The following EPB41L4B variants were observed in gnomAD, a reference collection of about 807,000 sequenced individuals.
The protein encoded by EPB41L4B is band 4.1-like protein 4B.
In EPB41L4B, 30 loss-of-function variants were observed where a neutral mutation model predicts 112.5. The observed-to-expected ratio is 0.27, with a 90% CI of 0.20 to 0.36. The LOEUF (loss-of-function observed/expected upper bound fraction) is 0.36. Among genes scored for constraint, EPB41L4B ranks in the 10% least tolerant of loss-of-function variants. The probability of loss-of-function intolerance (pLI) is 1.00; values close to 1 mark genes in which losing one functional copy is unlikely to be tolerated. For synonymous variants in EPB41L4B, 408 were observed against 439.7 expected, an observed-to-expected ratio of 0.93 and a Z score of 0.90; for missense variants, 1,024 against 1,133.3, an observed-to-expected ratio of 0.90 and a Z score of 1.38.
chr9:109,312,514 C>T (rs1272453424), intron 1 of EPB41L4B, among the ~76,000 whole-genome samples: 1 of 152,092 alleles, frequency 6.6e-6, no homozygotes, highest in Non-Finnish European at 1.5e-5. Context: ...AGCCCTCCCA[C>T]CCCCCTCGCC....
At position 109,253,490 on chromosome 9, in the gene EPB41L4B, C is replaced by T; in HGVS notation, c.1230G>A (p.Glu410=). 1 of 1,614,102 alleles carries T rather than the reference C, an allele frequency of 6.2e-7. No individual in the cohort carries two copies. The highest frequency in any genetic ancestry group is 8.5e-7 in the Non-Finnish European group (1 of 1,179,944). ...ATGGATAACGTTTACTAGGCTTCCT[C>T]TCAAAGGTGCTGGTTCTTCGTAACC... ...GSRLRRTSTF[E]RKPSKRYPSR... Residue 410 remains glutamate (E), a synonymous_variant, in exon 12 of 26, where the codon GAG becomes GAA. Coordinates refer to ENST00000374566, the MANE Select transcript of EPB41L4B (RefSeq NM_019114.5).
chr9:109,285,214 T>A (rs1836226125), intron 1 of EPB41L4B, among the ~76,000 whole-genome samples: 1 of 152,240 alleles, frequency 6.6e-6, no homozygotes, highest in Admixed American at 6.5e-5. Context: ...AACTGAACCA[T>A]CACAGCTCTA....
In EPB41L4B at chr9:109,264,813, A is replaced by T. The variant is rs940836478; in HGVS notation, c.578+167T>A. Reference sequence around the variant, plus strand: ...AAGCCATATAGTAATCATTTAAAATAGGATGATAATGACAGTGATACAAGT... The same window carrying T: ...AAGCCATATAGTAATCATTTAAAATTGGATGATAATGACAGTGATACAAGT... On this transcript the variant is annotated intron_variant, in intron 5 of 25. Transcript: ENST00000374566. Among the ~76,000 whole-genome samples, 17 of 152,384 alleles carry T rather than the reference A, an allele frequency of 1.1e-4. 1 individual carries two copies. Among genetic ancestry groups the T allele is most frequent in the Non-Finnish European group, 2.2e-4 (15 of 68,036 alleles).
At position 109,255,549 on chromosome 9, in the gene EPB41L4B, T is replaced by A; in HGVS notation, c.1131A>T (p.Arg377Ser). ...LRTPGNSKSNRSDFIRLGSRF... is the reference protein window; with the variant it reads ...LRTPGNSKSNSSDFIRLGSRF... Reference sequence around the variant, plus strand: ...GAGAGCCCAGCCTGATAAAGTCGGATCTATTGGATTTGCTGTTTCCTGGCG... The same window carrying A: ...GAGAGCCCAGCCTGATAAAGTCGGAACTATTGGATTTGCTGTTTCCTGGCG... The change falls in exon 11 of 26, where the codon AGA (arginine) becomes AGT (serine). Residue 377 changes from arginine to serine, a missense_variant. Arg to Ser is a moderately radical substitution (Grantham distance 110). Coordinates refer to ENST00000374566, the MANE Select transcript of EPB41L4B (RefSeq NM_019114.5). The A allele has an allele frequency of 6.2e-7, 1 of 1,614,194 alleles. No homozygotes were observed. Among genetic ancestry groups the A allele is most frequent in the Non-Finnish European group, 8.5e-7 (1 of 1,180,032 alleles).
chr9:109,263,970 C>A (rs940489309), intron 5 of EPB41L4B, among the ~76,000 whole-genome samples: 3 of 152,106 alleles, frequency 2.0e-5, no homozygotes, highest in African/African-American at 7.2e-5. Context: ...TAATATTTTT[C>A]CAAACCGAAG....
chr9:109,253,088 T>C (rs961863760), intron 12 of EPB41L4B, among the ~76,000 whole-genome samples: 3 of 152,194 alleles, frequency 2.0e-5, no homozygotes, highest in Admixed American at 2.0e-4. Flanking sequence ...ACACTTAAAA[T>C]TGCAAGATGA....
intron 24 of EPB41L4B, among the ~76,000 whole-genome samples, chr9:109,177,182 A>C (rs1308379735): frequency 6.6e-6 from 1 of 152,226 alleles, no homozygotes; most frequent in Non-Finnish European, 1.5e-5. Context: ...ACTGAGAACC[A>C]GGGCTAGCTG....
intron 2 of EPB41L4B, among the ~76,000 whole-genome samples, chr9:109,268,896 CAAAA>C (rs55646924): frequency 2.8e-5 from 3 of 106,752 alleles, no homozygotes; most frequent in Admixed American, 1.1e-4. Flanking sequence ...AACTCCGTCT[CAAAA>C]AAAAAAAAAA....
chr9:109,275,771 A>G (rs1450842221), intron 2 of EPB41L4B, among the ~76,000 whole-genome samples: 1 of 152,186 alleles, frequency 6.6e-6, no homozygotes, highest in Non-Finnish European at 1.5e-5. Context: ...GGTGTACTAG[A>G]AAGAGCACAT....
intron 23 of EPB41L4B, among the ~76,000 whole-genome samples, chr9:109,183,687 C>T (rs1832147451): frequency 6.6e-6 from 1 of 152,190 alleles, no homozygotes; most frequent in Non-Finnish European, 1.5e-5. Context: ...AAACTGTCTG[C>T]ACACCTGCTG....
rs749379628 is a variant in EPB41L4B at position 109,255,507 on chromosome 9, C to T, written c.1169+4G>A. The T allele has an allele frequency of 1.2e-5, 20 of 1,613,762 alleles. No homozygotes were observed. In the East Asian group the frequency reaches 3.6e-4, roughly 29 times the overall value. The stretch of plus-strand genomic sequence containing the variant: ...TGATCCGTGTTGCAGAAATGGCTCC[C>T]TACCTGAATCTGAAGCGAGAGCCCA... On this transcript the variant is annotated splice_donor_region_variant and intron_variant, in intron 11 of 25. Coordinates refer to ENST00000374566, the MANE Select transcript of EPB41L4B (RefSeq NM_019114.5).
rs1305888287 is a variant in EPB41L4B, at chr9:109,182,766, G to A, written c.2450C>T (p.Pro817Leu). The A allele has an allele frequency of 1.2e-5, 19 of 1,612,776 alleles. No individual in the cohort carries two copies. Among genetic ancestry groups the A allele is most frequent in the Middle Eastern group, 3.3e-4 (2 of 6,082 alleles). ...CCCTGTGGTGAAAGTATCAGGAAAC[G>A]GGTTCATTGTATCAACCGGGAATGT... is the stretch of plus-strand genomic sequence containing the variant. ...IKTFPVDTMN[P>L]FPDTFTTGPQ... is the part of the protein sequence containing the mutation. The change falls in exon 24 of 26, where the codon CCG becomes CTG. Residue 817 changes from proline to leucine, a missense_variant. Physicochemically the swap from Pro to Leu is moderately conservative, Grantham distance 98. Transcript: ENST00000374566.
At chr9:109,319,697 G>A (rs112081742) in intron 1 of EPB41L4B, among the ~76,000 whole-genome samples, 3 of 152,316 alleles carry the variant, frequency 2.0e-5, no homozygotes, top group Non-Finnish European at 4.4e-5. Flanking sequence ...TTTGAGGGGG[G>A]ACAAGCTGGA....
chr9:109,275,050 C>G (rs1260406045), intron 2 of EPB41L4B, among the ~76,000 whole-genome samples: 1 of 152,210 alleles, frequency 6.6e-6, no homozygotes, highest in Non-Finnish European at 1.5e-5. Flanking sequence ...GTGAAATCTG[C>G]AGAGTGGGTT....
At chr9:109,198,533 G>A (rs377525009) in intron 20 of EPB41L4B, among the ~76,000 whole-genome samples, 8 of 152,028 alleles carry the variant, frequency 5.3e-5, no homozygotes, top group South Asian at 2.1e-4. Context: ...CTTTTCATTC[G>A]TCCAGAGATC....
chr9:109,253,649 C>T (rs1328937150), intron 11 of EPB41L4B, 99 bp from the exon 12 acceptor site: 5 of 773,942 alleles, frequency 6.5e-6, no homozygotes, highest in African/African-American at 1.7e-5. Flanking sequence ...CTCCAACGTA[C>T]GTTTCAACTT....
chr9:109,187,675 T>C (rs1832318428), intron 22 of EPB41L4B, among the ~76,000 whole-genome samples: 1 of 152,098 alleles, frequency 6.6e-6, no homozygotes, highest in Non-Finnish European at 1.5e-5. Flanking sequence ...GGTCTTTTCT[T>C]CTCTGATGAT....
chr9:109,286,590 C>T (rs773605379), intron 1 of EPB41L4B, among the ~76,000 whole-genome samples: 1 of 152,140 alleles, frequency 6.6e-6, no homozygotes, highest in East Asian at 1.9e-4. Flanking sequence ...CTCTCTGTGA[C>T]GAATTCATCC....
rs942606894 is a variant in EPB41L4B at position 109,198,629 on chromosome 9, G to A, written c.2045+1607C>T. Among the ~76,000 whole-genome samples the A allele has an allele frequency of 7.9e-5, 12 of 152,258 alleles. 1 individual carries two copies. Among genetic ancestry groups the A allele is most frequent in the South Asian group, 6.2e-4 (3 of 4,814 alleles). ...GGTCAAGAAATGGGAACTACAAGCC[G>A]GGCACGGTGGCTCATGCCTGTAATC... On this transcript the variant is annotated intron_variant, in intron 20 of 25. Coordinates refer to ENST00000374566, the MANE Select transcript of EPB41L4B (RefSeq NM_019114.5).
Sources: gnomAD v4.1 joint callset for allele counts (sites outside exome capture counted in the v4.1 genomes callset) on GRCh38, gnomAD v4.1.1 for gene constraint, MANE v1.5 for transcripts, NCBI Gene and HGNC (gene_info 2026-07-23, HGNC 2026-07-21) for gene names.